Variants in PCDHGA6 observed in about 807,000 individuals in gnomAD.
PCDHGA6 encodes protocadherin gamma subfamily A, 6, also known as protocadherin gamma-A6.
A neutral mutation model predicts 60.6 loss-of-function variants in PCDHGA6; 41 were observed. The ratio of observed to expected loss-of-function variants is 0.68; its 90% CI spans 0.53 to 0.88. PCDHGA6 has a LOEUF of 0.88. PCDHGA6 is among the 40% of genes least tolerant of loss of function. The probability of loss-of-function intolerance (pLI) is 0.00; values close to 1 mark genes in which losing one functional copy is unlikely to be tolerated. For missense variants in PCDHGA6, 1,312 were observed against 1,203.0 expected, an observed-to-expected ratio of 1.09 and a Z score of -1.34; for synonymous variants, 594 against 524.4, an observed-to-expected ratio of 1.13 and a Z score of -1.81.
At chr5:141,510,272 T>TAA (rs546154379) in intron 3 of PCDHGA6, among the ~76,000 whole-genome samples, 3,403 of 130,344 alleles carry the variant, frequency 0.026, 48 homozygotes, top group East Asian at 0.043. Context: ...GACTCCATCT[T>TAA]AAAAAAAAAA....
At chr5:141,388,616 A>C in intron 1 of PCDHGA6, 1 of 1,613,938 alleles carries the variant, frequency 6.2e-7, no homozygotes, top group Non-Finnish European at 8.5e-7. Flanking sequence ...TGTTCAGTCA[A>C]GACGTATACA....
intron 1 of PCDHGA6, among the ~76,000 whole-genome samples, chr5:141,381,834 T>TTCTTC (rs1561589417): frequency 7.1e-6 from 1 of 140,214 alleles, no homozygotes; most frequent in African/African-American, 2.7e-5. Flanking sequence ...TTCTTTTTTT[T>TTCTTC]TTTTTTTTTT....
chr5:141,383,513 A>T, intron 1 of PCDHGA6: 1 of 1,612,722 alleles, frequency 6.2e-7, no homozygotes, highest in South Asian at 1.1e-5. Flanking sequence ...CGGGAGGAAG[A>T]GCGGGTTCAC....
chr5:141,426,898 C>G (rs1246109323), intron 1 of PCDHGA6: 3 of 456,634 alleles, frequency 6.6e-6, no homozygotes, highest in Admixed American at 4.7e-5. Context: ...CAACAGAGCT[C>G]TCATCTCCTG....
chr5:141,432,173 G>C lies in PCDHGA6; in HGVS notation c.2424+55666G>C, dbSNP rs771177256. On this transcript the variant is annotated intron_variant, in intron 1 of 3. Transcript: ENST00000517434. This position sits in a 1 kb window ranked among gnomAD's most constrained non-coding sequence, Gnocchi z 6.0. ...GAACAATCCCAGAGGAGTTTCCCTC[G>C]TCTCTGTGACCGCCCACGACCCCGA... The C allele has an allele frequency of 3.1e-6, 5 of 1,614,054 alleles. No homozygotes were observed. Among genetic ancestry groups the C allele is most frequent in the South Asian group, 1.1e-5 (1 of 91,054 alleles).
intron 1 of PCDHGA6, chr5:141,408,704 A>G: frequency 1.2e-6 from 2 of 1,613,236 alleles, no homozygotes; most frequent in Non-Finnish European, 1.7e-6. Context: ...AAACTCAATT[A>G]AAGATTATAA....
rs750804901 is a variant in PCDHGA6 at position 141,476,422 on chromosome 5, C to G, written c.2425-18385C>G. On this transcript the variant is annotated intron_variant, in intron 1 of 3. Coordinates refer to ENST00000517434, the MANE Select transcript of PCDHGA6 (RefSeq NM_018919.3). The surrounding 1 kb of genome is among the most constrained non-coding windows in gnomAD (Gnocchi z 7.6). ...GAGAGGAGCTGTGTGGGACACTGCC[C>G]TCTTGCACTGTAACTCTGGAGTTGG... 17 of 1,614,026 alleles carry G rather than the reference C, an allele frequency of 1.1e-5. No individual in the cohort carries two copies. The highest frequency in any genetic ancestry group is 1.4e-5 in the Non-Finnish European group (17 of 1,180,030).
intron 1 of PCDHGA6, chr5:141,478,188 C>T (rs770414950): frequency 4.3e-6 from 7 of 1,613,920 alleles, no homozygotes; most frequent in Non-Finnish European, 5.9e-6. Flanking sequence ...AAAAATCTCA[C>T]CTTTTATCTA....
chr5:141,435,990 T>C (rs1175877769), intron 1 of PCDHGA6, among the ~76,000 whole-genome samples: 1 of 152,162 alleles, frequency 6.6e-6, no homozygotes, highest in Non-Finnish European at 1.5e-5. Flanking sequence ...TTGTGTGATT[T>C]TTTGAAAGAA....
chr5:141,494,613 G>A (rs2099755672), intron 1 of PCDHGA6, among the ~76,000 whole-genome samples, 194 bp from the exon 2 acceptor site: 1 of 152,136 alleles, frequency 6.6e-6, no homozygotes, highest in Non-Finnish European at 1.5e-5. Context: ...TTATCTCTTG[G>A]TTTCTGGTAC....
intron 1 of PCDHGA6, chr5:141,415,466 C>T (rs1187128064): frequency 6.2e-7 from 1 of 1,614,224 alleles, no homozygotes. Flanking sequence ...GTCTCTCTCA[C>T]CGCGGACTCG....
chr5:141,404,835 C>T, intron 1 of PCDHGA6: 1 of 1,613,920 alleles, frequency 6.2e-7, no homozygotes, highest in Non-Finnish European at 8.5e-7. Context: ...GAAGTGCGCA[C>T]AGCTCGGGCC....
intron 1 of PCDHGA6, among the ~76,000 whole-genome samples, chr5:141,380,801 AT>A (rs1776749377): frequency 6.6e-6 from 1 of 152,258 alleles, no homozygotes; most frequent in Non-Finnish European, 1.5e-5. Context: ...TAAGAAACAA[AT>A]GTGAGATGAA....
chr5:141,471,925 G>A (rs1371923375), intron 1 of PCDHGA6, among the ~76,000 whole-genome samples: 1 of 152,076 alleles, frequency 6.6e-6, no homozygotes, highest in Non-Finnish European at 1.5e-5. Flanking sequence ...AAATTTTGGG[G>A]GTGATGAGAG....
At chr5:141,427,397 T>C (rs944166415) in intron 1 of PCDHGA6, 2 of 460,626 alleles carry the variant, frequency 4.3e-6, no homozygotes, top group South Asian at 1.5e-5. Flanking sequence ...AAACACATGA[T>C]AAAGATTCGA....
intron 1 of PCDHGA6, chr5:141,402,902 G>GA: frequency 6.6e-7 from 1 of 1,522,022 alleles, no homozygotes; most frequent in Non-Finnish European, 8.8e-7. Flanking sequence ...AGAACCTGAT[G>GA]AAGCAGCGCG....
Position 141,404,841 on chromosome 5 carries a change from G to A in PCDHGA6, c.2424+28334G>A, listed in dbSNP as rs765291212. The stretch of plus-strand genomic sequence containing the variant: ...CACACAGGTGAAGTGCGCACAGCTC[G>A]GGCCCTGCTAGATAGAGATGCGCTC... On this transcript the variant is annotated intron_variant, in intron 1 of 3. Coordinates refer to ENST00000517434, the MANE Select transcript of PCDHGA6 (RefSeq NM_018919.3). 1.1e-5 allele frequency: 17 copies of A among 1,613,886 alleles called. No individual in the cohort carries two copies. Among genetic ancestry groups the A allele is most frequent in the Non-Finnish European group, 1.4e-5 (16 of 1,179,920 alleles).
At position 141,405,002 on chromosome 5, in the gene PCDHGA6, C is replaced by T. The variant is rs2154535993; in HGVS notation, c.2424+28495C>T. ...GGGCAGTCTTCAGATCCCTGCAGAC[C>T]TGGAGGCCTCAGACCTTACCCTCTA... is the stretch of plus-strand genomic sequence containing the variant. On this transcript the variant is annotated intron_variant, in intron 1 of 3. Transcript: ENST00000517434. The T allele has an allele frequency of 1.9e-6, 3 of 1,613,870 alleles. No homozygotes were observed. In the East Asian group the frequency reaches 6.7e-5, roughly 36 times the overall value.
intron 1 of PCDHGA6, chr5:141,415,152 C>T (rs758450562): frequency 6.2e-7 from 1 of 1,613,812 alleles, no homozygotes; most frequent in Admixed American, 1.7e-5. Context: ...CCCCTCTCTC[C>T]GCCACTGTCA....
Sources: allele counts gnomAD v4.1 joint callset (sites outside exome capture counted in the v4.1 genomes callset), GRCh38; gene constraint gnomAD v4.1.1; non-coding constraint Gnocchi (gnomAD v3.1); transcripts MANE v1.5; gene names NCBI Gene and HGNC (gene_info 2026-07-23, HGNC 2026-07-21).